The following TBC1D19 variants were observed in gnomAD, a reference collection of about 807,000 sequenced individuals.
TBC1D19 encodes the protein TBC1 domain family member 19.
TBC1D19 carries 60 observed loss-of-function variants against 89.0 expected under a neutral mutation model. The ratio of observed to expected loss-of-function variants is 0.67; its 90% CI spans 0.55 to 0.84. The LOEUF (loss-of-function observed/expected upper bound fraction) is 0.84. TBC1D19 is among the 40% of genes least tolerant of loss of function. TBC1D19 has a pLI of 0.00. For missense variants in TBC1D19, 500 were observed against 610.8 expected, an observed-to-expected ratio of 0.82 and a Z score of 1.91; for synonymous variants, 189 against 199.7, an observed-to-expected ratio of 0.95 and a Z score of 0.45.
intron 13 of TBC1D19, among the ~76,000 whole-genome samples, chr4:26,691,579 T>C (rs78983157): frequency 0.022 from 3,338 of 152,080 alleles, 111 homozygotes; most frequent in African/African-American, 0.075. Context: ...TTCAGATGGT[T>C]ATTAGCATTT....
rs186763023 is a variant in TBC1D19 at position 26,741,019 on chromosome 4, T to A, written c.1227+1046T>A. 1,172 of 893,774 alleles carry A rather than the reference T, an allele frequency of 1.3e-3. 4 individuals carry two copies. In the African/African-American group the frequency reaches 0.016, roughly 12 times the overall value. 55.4% of individuals were successfully genotyped at this position (893,774 alleles called of 1,614,324 possible). On this transcript the variant is annotated intron_variant, in intron 17 of 20. Transcript: ENST00000264866. ...ATTTTGTTCTTATCTTACTTTAATA[T>A]TTAATCTGGAATAATCAGAAATATG...
chr4:26,804,312 AT>A, the TBC1D19 span, among the ~76,000 whole-genome samples: 1 of 151,944 alleles, frequency 6.6e-6, no homozygotes, highest in Non-Finnish European at 1.5e-5. Context: ...CATCCGGCTA[AT>A]TTTTGTGTTT....
chr4:26,698,981 A>G (rs973388875), intron 13 of TBC1D19, among the ~76,000 whole-genome samples: 22 of 152,244 alleles, frequency 1.4e-4, no homozygotes, highest in African/African-American at 4.3e-4. Flanking sequence ...AAACGCCAAA[A>G]GCAATGGCAA....
chr4:26,739,562 T>A (rs1718229927), intron 16 of TBC1D19, among the ~76,000 whole-genome samples: 1 of 152,192 alleles, frequency 6.6e-6, no homozygotes, highest in African/African-American at 2.4e-5. Flanking sequence ...TATGTAGTTT[T>A]TATAAGTTAC....
chr4:26,847,539 C>G, the TBC1D19 span, among the ~76,000 whole-genome samples: 2 of 152,188 alleles, frequency 1.3e-5, no homozygotes, highest in South Asian at 4.1e-4. Context: ...GACTAAATGG[C>G]TCCAGCAGAC....
chr4:26,743,253 TC>T (rs1233780995), intron 18 of TBC1D19, among the ~76,000 whole-genome samples: 2 of 152,128 alleles, frequency 1.3e-5, no homozygotes, highest in African/African-American at 4.8e-5. Flanking sequence ...AGCTATTTTC[TC>T]CTGTTAAGGA....
At chr4:26,629,859 G>T (rs181675828) in intron 4 of TBC1D19, among the ~76,000 whole-genome samples, 3 of 151,750 alleles carry the variant, frequency 2.0e-5, no homozygotes, top group Non-Finnish European at 1.5e-5. Flanking sequence ...ATGTTTTTAT[G>T]TCTCAATTAC....
the TBC1D19 span, among the ~76,000 whole-genome samples, chr4:26,766,325 A>C: frequency 6.6e-6 from 1 of 152,188 alleles, no homozygotes; most frequent in South Asian, 2.1e-4. Flanking sequence ...GCACTGTATG[A>C]GGAACAGGAA....
the TBC1D19 span, among the ~76,000 whole-genome samples, chr4:26,796,204 A>G: frequency 1.3e-5 from 2 of 152,200 alleles, no homozygotes; most frequent in South Asian, 2.1e-4. Flanking sequence ...TTTTCTTCTT[A>G]ATGAAAAAAT....
chr4:26,694,469 G>A (rs1714589375), intron 13 of TBC1D19, among the ~76,000 whole-genome samples: 2 of 152,204 alleles, frequency 1.3e-5, no homozygotes, highest in Non-Finnish European at 2.9e-5. Flanking sequence ...CACCTCTGGG[G>A]GCCGGGCATA....
At chr4:26,684,687 A>C (rs1305211196) in intron 12 of TBC1D19, among the ~76,000 whole-genome samples, 1 of 152,196 alleles carries the variant, frequency 6.6e-6, no homozygotes, top group East Asian at 1.9e-4. Flanking sequence ...TAAAATTTAG[A>C]TTTGAAATAT....
intron 19 of TBC1D19, among the ~76,000 whole-genome samples, chr4:26,750,441 G>A (rs1006039106): frequency 7.9e-5 from 12 of 152,056 alleles, no homozygotes; most frequent in African/African-American, 1.9e-4. Flanking sequence ...TTATGTGAAG[G>A]GTCAAGAGGT....
At chr4:26,778,464 G>A in the TBC1D19 span, among the ~76,000 whole-genome samples, 3 of 145,750 alleles carry the variant, frequency 2.1e-5, no homozygotes, top group African/African-American at 5.0e-5. Flanking sequence ...GGGAAGGGAA[G>A]GGGGAAGGGA....
At chr4:26,673,446 TAC>T (rs61054571) in intron 10 of TBC1D19, among the ~76,000 whole-genome samples, 2 of 90,884 alleles carry the variant, frequency 2.2e-5, no homozygotes, top group East Asian at 3.3e-4. Flanking sequence ...TATATATATA[TAC>T]ACACACACAC....
chr4:26,684,285 T>TC (rs1713619581), intron 12 of TBC1D19, among the ~76,000 whole-genome samples: 1 of 152,154 alleles, frequency 6.6e-6, no homozygotes, highest in Non-Finnish European at 1.5e-5. Context: ...CCAAACAGGG[T>TC]CCATTTTCCA....
chr4:26,698,132 T>C (rs981766205), intron 13 of TBC1D19, among the ~76,000 whole-genome samples: 2 of 152,098 alleles, frequency 1.3e-5, no homozygotes, highest in African/African-American at 4.8e-5. Context: ...CAGCCCAAAA[T>C]CTCCTTAAGC....
At chr4:26,741,152 C>T (rs546624268) in intron 17 of TBC1D19, among the ~76,000 whole-genome samples, 27 of 151,968 alleles carry the variant, frequency 1.8e-4, no homozygotes, top group African/African-American at 6.0e-4. Flanking sequence ...GTCAGGAGAT[C>T]GAGACCATCC....
At chr4:26,842,599 T>TCTTC in the TBC1D19 span, among the ~76,000 whole-genome samples, 3 of 130,204 alleles carry the variant, frequency 2.3e-5, no homozygotes, top group East Asian at 6.6e-4. Context: ...TTTCTTTCTT[T>TCTTC]CTTTCTTTCT....
intron 13 of TBC1D19, among the ~76,000 whole-genome samples, chr4:26,715,434 G>A (rs1466671001): frequency 6.6e-6 from 1 of 152,044 alleles, no homozygotes; most frequent in Non-Finnish European, 1.5e-5. Flanking sequence ...TGTAAGATGG[G>A]TTCCCAGGGA....
Sources: allele counts gnomAD v4.1 joint callset (sites outside exome capture counted in the v4.1 genomes callset), GRCh38; gene constraint gnomAD v4.1.1; transcripts MANE v1.5; gene names NCBI Gene and HGNC (gene_info 2026-07-23, HGNC 2026-07-21).